Variants in RNF13 observed in about 807,000 individuals in gnomAD.
The protein encoded by RNF13 is E3 ubiquitin-protein ligase RNF13.
Under a neutral mutation model 37.7 loss-of-function variants are expected in RNF13, and 19 were observed. That is an observed-to-expected ratio of 0.50 (90% CI 0.35 to 0.74). The LOEUF is 0.74. RNF13 is among the 30% of genes least tolerant of loss of function. RNF13 has a pLI of 0.01. For missense variants in RNF13, 375 were observed against 453.0 expected (o/e 0.83, Z 1.56); for synonymous variants, 144 against 157.8 (o/e 0.91, Z 0.65).
At chr3:149,837,823 C>G (rs1321597826) in intron 1 of RNF13, among the ~76,000 whole-genome samples, 4 of 151,666 alleles carry the variant, frequency 2.6e-5, no homozygotes, top group African/African-American at 9.8e-5. Context: ...TCATGCCTTC[C>G]AAAAGTCCCC....
At chr3:149,954,825 C>T (rs1048638021) in intron 8 of RNF13, among the ~76,000 whole-genome samples, 1 of 152,166 alleles carries the variant, frequency 6.6e-6, no homozygotes, top group Admixed American at 6.5e-5. Flanking sequence ...CATCCTTACA[C>T]ATTTTTTCAT....
intron 4 of RNF13, among the ~76,000 whole-genome samples, chr3:149,883,936 G>A (rs1713713519): frequency 6.6e-6 from 1 of 152,168 alleles, no homozygotes; most frequent in South Asian, 2.1e-4. Flanking sequence ...CCACTTATAA[G>A]TGAGAACACG....
chr3:149,933,966 T>TA (rs1189836058), intron 8 of RNF13, among the ~76,000 whole-genome samples: 1 of 152,214 alleles, frequency 6.6e-6, no homozygotes, highest in Non-Finnish European at 1.5e-5. Context: ...TTTGACTTCT[T>TA]CCTTTCCAGT....
chr3:149,939,626 G>A (rs895713199), intron 8 of RNF13: 16 of 636,792 alleles, frequency 2.5e-5, no homozygotes, highest in African/African-American at 2.2e-4. Flanking sequence ...TCAACAATAT[G>A]CAATTTATCC....
rs74821555 is a variant in RNF13 at position 149,921,464 on chromosome 3, C to A, written c.700+237C>A. Reference sequence around the variant, plus strand: ...TATCCCTCCCCCAGCCCTCCACCCCCCAACAGGCCCTGTTGTGTGATGTTC... The same window carrying A: ...TATCCCTCCCCCAGCCCTCCACCCCACAACAGGCCCTGTTGTGTGATGTTC... On this transcript the variant is annotated intron_variant, in intron 8 of 9. Coordinates refer to ENST00000392894, the MANE Select transcript of RNF13 (RefSeq NM_183381.3). Among the ~76,000 whole-genome samples the A allele has an allele frequency of 4.7e-4, 72 of 152,248 alleles. 1 individual carries two copies. Among genetic ancestry groups the A allele is most frequent in the African/African-American group, 1.7e-3 (71 of 41,560 alleles).
At chr3:149,848,730 G>GT (rs367637233) in intron 2 of RNF13, among the ~76,000 whole-genome samples, 12 of 151,744 alleles carry the variant, frequency 7.9e-5, no homozygotes, top group East Asian at 1.9e-4. Flanking sequence ...TTTGTTTTGT[G>GT]TTTTTTTTGT....
At chr3:149,874,882 G>T (rs1712512299) in intron 4 of RNF13, among the ~76,000 whole-genome samples, 1 of 152,104 alleles carries the variant, frequency 6.6e-6, no homozygotes, top group African/African-American at 2.4e-5. Flanking sequence ...TGGATAAGCT[G>T]TTAGCCTTAT....
intron 4 of RNF13, among the ~76,000 whole-genome samples, chr3:149,878,963 G>T (rs535209394): frequency 3.3e-5 from 5 of 152,156 alleles, no homozygotes; most frequent in East Asian, 3.9e-4. Context: ...GTTAGAGTGT[G>T]TTTTCTTTAG....
chr3:149,894,098 A>G (rs1457262126), intron 4 of RNF13, among the ~76,000 whole-genome samples: 3 of 152,228 alleles, frequency 2.0e-5, no homozygotes, highest in South Asian at 4.1e-4. Flanking sequence ...CATAGGTGCT[A>G]TGGAGGCTAT....
At chr3:149,885,230 T>C (rs542717723) in intron 4 of RNF13, among the ~76,000 whole-genome samples, 1 of 152,288 alleles carries the variant, frequency 6.6e-6, no homozygotes, top group South Asian at 2.1e-4. Flanking sequence ...TTTTCTTTCT[T>C]TGGGGAATAT....
chr3:149,931,042 GT>G (rs1559959152), intron 8 of RNF13, among the ~76,000 whole-genome samples: 1 of 151,330 alleles, frequency 6.6e-6, no homozygotes, highest in Non-Finnish European at 1.5e-5. Context: ...TGTTTTTTTG[GT>G]TGTGTGTGTG....
chr3:149,906,645 CTTTTTTTTTTT>C (rs35801459), intron 6 of RNF13, among the ~76,000 whole-genome samples: 18 of 79,158 alleles, frequency 2.3e-4, no homozygotes, highest in African/African-American at 5.0e-5. Flanking sequence ...TTCAATTCTG[CTTTTTTTTTTT>C]TTTTTTTTTT....
chr3:149,890,487 G>A (rs1419233243), intron 4 of RNF13, among the ~76,000 whole-genome samples: 1 of 152,072 alleles, frequency 6.6e-6, no homozygotes, highest in Non-Finnish European at 1.5e-5. Context: ...TAATGTTTAA[G>A]CACTGTTTTA....
intron 7 of RNF13, 119 bp downstream of exon 7, chr3:149,912,202 A>C: frequency 5.8e-6 from 3 of 519,016 alleles, no homozygotes; most frequent in Non-Finnish European, 1.0e-5. Context: ...ATATAAATTC[A>C]TTTATGTGAA....
At chr3:149,869,478 C>T (rs1397018375) in intron 3 of RNF13, among the ~76,000 whole-genome samples, 2 of 150,726 alleles carry the variant, frequency 1.3e-5, no homozygotes, top group Non-Finnish European at 3.0e-5. Context: ...TAGTGGCGGG[C>T]GCCTGTAGTC....
chr3:149,816,793 G>T (rs1034641926), intron 1 of RNF13, among the ~76,000 whole-genome samples: 3 of 152,166 alleles, frequency 2.0e-5, no homozygotes, highest in African/African-American at 7.2e-5. Context: ...TTTGTGAACA[G>T]GTCCAATGGA....
chr3:149,904,093 G>A lies in RNF13; in HGVS notation c.500+1931G>A, dbSNP rs1179028272. Among the ~76,000 whole-genome samples, 4 of 152,104 alleles carry A rather than the reference G, an allele frequency of 2.6e-5. No homozygotes were observed. The East Asian group carries it at 5.8e-4, about 22-fold the overall frequency. On this transcript the variant is annotated intron_variant, in intron 6 of 9. Coordinates refer to ENST00000392894, the MANE Select transcript of RNF13 (RefSeq NM_183381.3). ...CCCTCTCTTTCAGTGGGCAGAACTA[G>A]GAAATATATATGGCTTTTAAAGATA...
intron 1 of RNF13, among the ~76,000 whole-genome samples, chr3:149,818,706 G>T (rs1719718176): frequency 6.6e-6 from 1 of 152,106 alleles, no homozygotes; most frequent in Non-Finnish European, 1.5e-5. Context: ...TGAGACCAGA[G>T]TTCGAGGCCA....
chr3:149,948,087 T>G (rs1171156828), intron 8 of RNF13, among the ~76,000 whole-genome samples: 3 of 152,028 alleles, frequency 2.0e-5, no homozygotes, highest in Non-Finnish European at 4.4e-5. Flanking sequence ...GTAGCTGGGA[T>G]TACAGGCACA....
Sources: gnomAD v4.1 joint callset for allele counts (sites outside exome capture counted in the v4.1 genomes callset) on GRCh38, gnomAD v4.1.1 for gene constraint, MANE v1.5 for transcripts, NCBI Gene and HGNC (gene_info 2026-07-23, HGNC 2026-07-21) for gene names.